Variants in PTDSS2 observed in about 807,000 individuals in gnomAD.
PTDSS2 encodes the protein phosphatidylserine synthase 2, also known as PSS-2.
A neutral mutation model predicts 64.7 loss-of-function variants in PTDSS2; 41 were observed. The ratio of observed to expected loss-of-function variants is 0.63; its 90% CI spans 0.49 to 0.82. PTDSS2 has a LOEUF of 0.82. Among genes scored for constraint, PTDSS2 ranks in the 40% least tolerant of loss-of-function variants. PTDSS2 has a pLI of 0.00. For missense variants in PTDSS2, 485 were observed against 650.0 expected (o/e 0.75, Z 2.76); for synonymous variants, 297 against 277.8 (o/e 1.07, Z -0.69).
chr11:489,302 G>A (rs1310521326), intron 8 of PTDSS2, 98 bp from the exon 9 acceptor site: 7 of 1,005,912 alleles, frequency 7.0e-6, no homozygotes, highest in Non-Finnish European at 9.0e-6. Flanking sequence ...CGATGGCACA[G>A]GGCGGGGCCG....
In PTDSS2 at chr11:473,986, C is replaced by G. The variant is rs192755546; in HGVS notation, c.367+9C>G. 4.5e-5 allele frequency: 72 copies of G among 1,609,342 alleles called. No homozygotes were observed. Among genetic ancestry groups the G allele is most frequent in the Non-Finnish European group, 5.9e-5 (69 of 1,175,640 alleles). On this transcript the variant is annotated intron_variant, in intron 3 of 11. Transcript: ENST00000308020. The stretch of plus-strand genomic sequence containing the variant: ...TTCCAGACCTCATCCAGGTAACTTG[C>G]CATTTCCTTTTCCGTGTGCCCCTGT...
At chr11:483,423 C>T (rs948819256) in intron 4 of PTDSS2, among the ~76,000 whole-genome samples, 3 of 152,058 alleles carry the variant, frequency 2.0e-5, no homozygotes, top group African/African-American at 7.2e-5. Flanking sequence ...GTAGATCTCC[C>T]TACTGAGGGG....
intron 4 of PTDSS2, among the ~76,000 whole-genome samples, chr11:482,965 C>T (rs994812269): frequency 7.2e-6 from 1 of 138,302 alleles, no homozygotes; most frequent in Non-Finnish European, 1.6e-5. Context: ...ATCTCCCTAC[C>T]GAGTGCAGAA....
Position 471,065 on chromosome 11 carries a change from C to T in PTDSS2, c.285-2830C>T, listed in dbSNP as rs572648341. Reference sequence around the variant, plus strand: ...AAGCACTTCCCTCATTCTTACCCAACGGGACACACCTTCTCAAGTACTTAA... The same window carrying T: ...AAGCACTTCCCTCATTCTTACCCAATGGGACACACCTTCTCAAGTACTTAA... On this transcript the variant is annotated intron_variant, in intron 2 of 11. Coordinates refer to ENST00000308020, the MANE Select transcript of PTDSS2 (RefSeq NM_030783.3). 4.0e-5 allele frequency among the ~76,000 whole-genome samples: 6 copies of T among 151,522 alleles called. No individual in the cohort carries two copies. In the East Asian group the frequency reaches 5.8e-4, roughly 15 times the overall value.
At position 479,156 on chromosome 11, in the gene PTDSS2, A is replaced by C. The variant is rs1396507979; in HGVS notation, c.435+4A>C. The C allele has an allele frequency of 6.2e-7, 1 of 1,613,296 alleles. No individual in the cohort carries two copies. Among genetic ancestry groups the C allele is most frequent in the Non-Finnish European group, 8.5e-7 (1 of 1,179,320 alleles). ...TCTCATCTTTATACTCTTCCAGGTA[A>C]GCTGTTTTTCTGGGTTGGATACCTG... On this transcript the variant is annotated splice_donor_region_variant and intron_variant, in intron 4 of 11. Coordinates refer to ENST00000308020, the MANE Select transcript of PTDSS2 (RefSeq NM_030783.3). This position sits in a 1 kb window ranked among gnomAD's most constrained non-coding sequence, Gnocchi z 4.2.
chr11:469,907 T>C (rs954672157), intron 2 of PTDSS2, among the ~76,000 whole-genome samples: 1 of 151,972 alleles, frequency 6.6e-6, no homozygotes, highest in African/African-American at 2.4e-5. Flanking sequence ...TGAAAGAGCC[T>C]CCCAGTGGCC....
At chr11:485,469 G>T (rs1848307811) in intron 4 of PTDSS2, among the ~76,000 whole-genome samples, 1 of 148,386 alleles carries the variant, frequency 6.7e-6, no homozygotes, top group Admixed American at 6.7e-5. Context: ...CAGTGCACGG[G>T]TGTGTGTGCT....
chr11:486,893 G>A (rs1848418857), intron 4 of PTDSS2, 46 bp from the exon 5 acceptor site: 2 of 1,547,488 alleles, frequency 1.3e-6, no homozygotes, highest in Admixed American at 2.1e-5. Context: ...GTTTCAAGTT[G>A]CCACCACTAA....
rs1430442476 is a variant in PTDSS2, at chr11:460,191, G to A, written c.187G>A (p.Ala63Thr). ...TTATGCGTTTTTGGATTTCAGGCGAGCCCACACCTTAACCGTGCTCTTCAT... is the reference window on the plus strand; with the variant it reads ...TTATGCGTTTTTGGATTTCAGGCGAACCCACACCTTAACCGTGCTCTTCAT... ...DDGTNTFFWR[A>T]HTLTVLFILT... Residue 63 changes from alanine to threonine, a missense_variant, in exon 2 of 12, where the codon GCC becomes ACC. Around this residue, in one of 3 missense-constraint regions of PTDSS2, gnomAD observed 251 missense variants for 348.0 expected, o/e 0.72. Transcript: ENST00000308020. The surrounding 1 kb of genome is among the most constrained non-coding windows in gnomAD (Gnocchi z 5.8). The A allele has an allele frequency of 1.2e-6, 2 of 1,614,102 alleles. No individual in the cohort carries two copies. The highest frequency in any genetic ancestry group is 1.7e-6 in the Non-Finnish European group (2 of 1,179,954).
upstream of PTDSS2, among the ~76,000 whole-genome samples, chr11:449,853 C>G (rs1846238147): frequency 6.6e-6 from 1 of 152,194 alleles, no homozygotes; most frequent in Non-Finnish European, 1.5e-5. Context: ...AAGCTTGAGA[C>G]AGAAGAATCG....
In PTDSS2 at chr11:470,418, C is replaced by G. The variant is rs774796025; in HGVS notation, c.285-3477C>G. On this transcript the variant is annotated intron_variant, in intron 2 of 11. Coordinates refer to ENST00000308020, the MANE Select transcript of PTDSS2 (RefSeq NM_030783.3). This position sits in a 1 kb window ranked among gnomAD's most constrained non-coding sequence, Gnocchi z 5.3. The stretch of plus-strand genomic sequence containing the variant: ...CAGAGACAAGGAGAGTCTGAGAAAC[C>G]GTCCCAGCCTCGGGGAGCCTGAAGA... Among the ~76,000 whole-genome samples, 1 of 152,086 alleles carries G rather than the reference C, an allele frequency of 6.6e-6. No homozygotes were observed. The highest frequency in any genetic ancestry group is 2.1e-4 in the South Asian group (1 of 4,814).
chr11:478,348 A>G (rs1564983430), intron 3 of PTDSS2, among the ~76,000 whole-genome samples: 1 of 151,472 alleles, frequency 6.6e-6, no homozygotes. Flanking sequence ...GGTCCCAGCT[A>G]CTCAGGAGGC....
intron 2 of PTDSS2, among the ~76,000 whole-genome samples, chr11:468,365 C>G (rs1036015038): frequency 4.6e-5 from 7 of 152,236 alleles, no homozygotes; most frequent in Non-Finnish European, 1.0e-4. Context: ...TGAGGCCACT[C>G]TGTGTGGCAC....
intron 4 of PTDSS2, among the ~76,000 whole-genome samples, chr11:482,123 G>A (rs1375386068): frequency 1.3e-5 from 2 of 151,674 alleles, no homozygotes; most frequent in African/African-American, 4.8e-5. Flanking sequence ...TGGGATTATG[G>A]GCATGAGCCA....
intron 4 of PTDSS2, among the ~76,000 whole-genome samples, chr11:484,746 C>T (rs1420827144): frequency 4.9e-5 from 7 of 141,954 alleles, no homozygotes; most frequent in African/African-American, 8.1e-5. Context: ...TCACCGTGTG[C>T]GCAGGCGAGT....
At chr11:480,651 C>G (rs527878738) in intron 4 of PTDSS2, 2 of 152,440 alleles carry the variant, frequency 1.3e-5, no homozygotes, top group Non-Finnish European at 2.9e-5. Flanking sequence ...CTCCACCTCC[C>G]GGGTTCAAGT....
At chr11:478,383 C>T (rs1195439801) in intron 3 of PTDSS2, among the ~76,000 whole-genome samples, 1 of 151,654 alleles carries the variant, frequency 6.6e-6, no homozygotes, top group Non-Finnish European at 1.5e-5. Flanking sequence ...TGCTTGAGCC[C>T]AGGAGGCAGA....
At chr11:486,904 C>T (rs1848419855) in intron 4 of PTDSS2, 35 bp from the exon 5 acceptor site, 2 of 1,580,770 alleles carry the variant, frequency 1.3e-6, no homozygotes, top group Admixed American at 1.8e-5. Context: ...CCACCACTAA[C>T]TGTAGCCCCG....
intron 2 of PTDSS2, among the ~76,000 whole-genome samples, chr11:472,791 G>T (rs915141703): frequency 6.6e-6 from 1 of 152,246 alleles, no homozygotes; most frequent in African/African-American, 2.4e-5. Flanking sequence ...GCGTGTCTCT[G>T]TGGCCCCGTC....
Sources: allele counts gnomAD v4.1 joint callset (sites outside exome capture counted in the v4.1 genomes callset), GRCh38; gene constraint gnomAD v4.1.1; regional missense constraint gnomAD v4.1.1; non-coding constraint Gnocchi (gnomAD v3.1); transcripts MANE v1.5; gene names NCBI Gene and HGNC (gene_info 2026-07-23, HGNC 2026-07-21).